Variants in SDE2 observed in about 807,000 individuals in gnomAD.
SDE2 encodes spliceosome associated SDE2, also known as splicing regulator SDE2.
SDE2 carries 31 observed loss-of-function variants against 46.9 expected under a neutral mutation model. That is an observed-to-expected ratio of 0.66 (90% CI 0.50 to 0.89). SDE2 has a LOEUF of 0.89. SDE2 is among the 40% of genes least tolerant of loss of function. SDE2 has a pLI of 0.00. For missense variants in SDE2, 542 were observed against 564.4 expected, an observed-to-expected ratio of 0.96 and a Z score of 0.40; for synonymous variants, 205 against 204.3, an observed-to-expected ratio of 1.00 and a Z score of -0.03.
At chr1:225,988,533 A>G (rs1656322815) in intron 5 of SDE2, 145 bp from the exon 6 acceptor site, 1 of 738,772 alleles carries the variant, frequency 1.4e-6, no homozygotes, top group South Asian at 1.8e-5. Flanking sequence ...GTTTGAGATC[A>G]GCCTGGCCAA....
intron 5 of SDE2, among the ~76,000 whole-genome samples, 183 bp downstream of exon 5, chr1:225,991,060 C>G (rs1656386302): frequency 6.6e-6 from 1 of 152,164 alleles, no homozygotes; most frequent in Admixed American, 6.5e-5. Flanking sequence ...TAATGGCATT[C>G]ACAGCAGAAA....
At chr1:225,990,651 T>C (rs563307729) in intron 5 of SDE2, among the ~76,000 whole-genome samples, 10 of 152,262 alleles carry the variant, frequency 6.6e-5, no homozygotes, top group Admixed American at 5.2e-4. Context: ...AGAACAAACA[T>C]TGTATGCTGA....
chr1:225,988,172 C>G lies in SDE2; in HGVS notation c.858G>C (p.Val286=). ...CTAAAATATGCCTCCCAGAGTCAGT[C>G]ACCGGGATCTGCAGTTGTTCTGGTG... The part of the protein sequence containing the change: ...HGSPEQLQIP[V]TDSGRHILED... Residue 286 remains valine, a synonymous_variant, in exon 6 of 7, where the codon GTG becomes GTC. Transcript: ENST00000272091. The G allele has an allele frequency of 2.5e-6, 4 of 1,614,196 alleles. No individual in the cohort carries two copies. The highest frequency in any genetic ancestry group is 3.4e-6 in the Non-Finnish European group (4 of 1,180,032).
At chr1:225,998,299 A>G (rs1205784688) in intron 1 of SDE2, among the ~76,000 whole-genome samples, 1 of 152,188 alleles carries the variant, frequency 6.6e-6, no homozygotes, top group Admixed American at 6.5e-5. Flanking sequence ...TTATTTGCAA[A>G]CACACATTGC....
rs1330291972 is a variant in SDE2 at position 225,983,702 on chromosome 1, C to T, written c.*1600G>A. Reference sequence around the variant, plus strand: ...TACAGGCATGAGCCACCACACCTGGCCTAAAATACGCATTCTTTTAAACTG... The same window carrying T: ...TACAGGCATGAGCCACCACACCTGGTCTAAAATACGCATTCTTTTAAACTG... On this transcript the variant is annotated 3_prime_UTR_variant, in exon 7 of 7. Transcript: ENST00000272091. 6.6e-6 allele frequency: 1 copy of T among 152,054 alleles called. No homozygotes were observed. The allele number at this position is 152,054 out of a possible 1,614,324, so 9.4% of individuals were successfully genotyped here.
chr1:225,985,368 T>C lies in SDE2; in HGVS notation c.1290A>G (p.Arg430=). 1 of 1,614,240 alleles carries C rather than the reference T, an allele frequency of 6.2e-7. No individual in the cohort carries two copies. ...GGTCAATTTGCTCCTTTGCCAGTCC[T>C]CTGACAGAGAAGAGTCTTGCTGCCC... The part of the protein sequence containing the change: ...QERAARLFSV[R]GLAKEQIDPA... Residue 430 remains arginine, a synonymous_variant, in exon 7 of 7, where the codon AGA becomes AGG. Coordinates refer to ENST00000272091, the MANE Select transcript of SDE2 (RefSeq NM_152608.4).
In SDE2 at chr1:225,985,602, C is replaced by T. The variant is rs1656252619; in HGVS notation, c.1135-79G>A. ...GACTCTTTAACTGTCAACTACATTT[C>T]TTGAGAAATTTTCATTTAATTTGCC... On this transcript the variant is annotated intron_variant, in intron 6 of 6. Transcript: ENST00000272091. 6 of 898,738 alleles carry T rather than the reference C, an allele frequency of 6.7e-6. No individual in the cohort carries two copies. In the East Asian group the frequency reaches 1.3e-4, roughly 19 times the overall value. 55.7% of individuals were successfully genotyped at this position (898,738 alleles called of 1,614,324 possible). A position where few individuals can be genotyped will look rare whatever the true frequency, so the allele number is the denominator to read the frequency against.
Position 225,985,453 on chromosome 1 carries a change from T to G in SDE2, c.1205A>C (p.Glu402Ala), listed in dbSNP as rs1288746182. 6.2e-7 allele frequency: 1 copy of G among 1,614,014 alleles called. No homozygotes were observed. The highest frequency in any genetic ancestry group is 8.5e-7 in the Non-Finnish European group (1 of 1,179,990). The part of the protein sequence containing the change: ...SVAELELLGL[E>A]KLKCELMALG... ...GGCCATCAGTTCACATTTGAGCTTC[T>G]CCAAACCCAGCAACTCCAGTTCTGC... is the stretch of plus-strand genomic sequence containing the variant. Residue 402 changes from glutamate (E) to alanine (A), a missense_variant, in exon 7 of 7, where the codon GAG becomes GCG. Physicochemically the swap from Glu to Ala is moderately radical, Grantham distance 107. This residue lies in a region of SDE2 where 401 missense variants were observed against 437.8 expected (regional missense o/e 0.92). Transcript: ENST00000272091.
Position 225,992,459 on chromosome 1 carries a change from G to T in SDE2, c.459C>A (p.Ser153Arg). 4 of 1,613,518 alleles carry T rather than the reference G, an allele frequency of 2.5e-6. No individual in the cohort carries two copies. Among genetic ancestry groups the T allele is most frequent in the South Asian group, 1.1e-5 (1 of 91,078 alleles). Residue 153 changes from serine (S) to arginine (R), a missense_variant, in exon 4 of 7, where the codon AGC becomes AGA. Coordinates refer to ENST00000272091, the MANE Select transcript of SDE2 (RefSeq NM_152608.4). ...KLVEPKHCFT[S>R]PDYQQQCHEM... ...CATGGCACTGCTGCTGGTAGTCGGG[G>T]CTGGTGAAGCAGTGCTTGGGTTCTA... is the stretch of plus-strand genomic sequence containing the variant.
chr1:225,988,157 C>A lies in SDE2; in HGVS notation c.873G>T (p.Arg291Ser). The part of the protein sequence containing the change: ...QLQIPVTDSG[R>S]HILEDSCAEL... ...CAGCACATGAGTCTTCTAAAATATGCCTCCCAGAGTCAGTCACCGGGATCT... is the reference window on the plus strand; with the variant it reads ...CAGCACATGAGTCTTCTAAAATATGACTCCCAGAGTCAGTCACCGGGATCT... The change falls in exon 6 of 7, where the codon AGG becomes AGT. Residue 291 changes from arginine (R) to serine (S), a missense_variant. Coordinates refer to ENST00000272091, the MANE Select transcript of SDE2 (RefSeq NM_152608.4). 6.2e-7 allele frequency: 1 copy of A among 1,614,168 alleles called. No homozygotes were observed. Among genetic ancestry groups the A allele is most frequent in the Non-Finnish European group, 8.5e-7 (1 of 1,180,044 alleles).
At chr1:225,989,307 A>AT (rs1428221062) in intron 5 of SDE2, among the ~76,000 whole-genome samples, 1,655 of 134,324 alleles carry the variant, frequency 0.012, 30 homozygotes, top group African/African-American at 0.043. Context: ...AAAAAAAAAA[A>AT]AATAATAATA....
chr1:225,991,153 C>G lies in SDE2; in HGVS notation c.641+90G>C, dbSNP rs1419791958. ...TTTTCTGAGCTCCCACCAAACACTA[C>G]ACAAAAATGTGTTTATGCCAGATAA... is the stretch of plus-strand genomic sequence containing the variant. On this transcript the variant is annotated intron_variant, in intron 5 of 6. Coordinates refer to ENST00000272091, the MANE Select transcript of SDE2 (RefSeq NM_152608.4). 4 of 1,363,948 alleles carry G rather than the reference C, an allele frequency of 2.9e-6. No homozygotes were observed. The Admixed American group carries it at 7.6e-5, about 26-fold the overall frequency. 84.5% of individuals were successfully genotyped at this position (1,363,948 alleles called of 1,614,324 possible).
chr1:225,993,168 G>A (rs1051401984), intron 2 of SDE2, among the ~76,000 whole-genome samples, 166 bp from the exon 3 acceptor site: 7 of 149,650 alleles, frequency 4.7e-5, no homozygotes, highest in East Asian at 1.9e-4. Flanking sequence ...TTCAGGCAGC[G>A]AAAGTAAAAA....
At chr1:225,987,770 T>C (rs1215219815) in intron 6 of SDE2, 126 bp downstream of exon 6, 5 of 916,816 alleles carry the variant, frequency 5.5e-6, no homozygotes, top group Non-Finnish European at 8.4e-6. Context: ...CCATAATCTG[T>C]ACTTCTTAAA....
Position 225,992,545 on chromosome 1 carries a change from G to C in SDE2, c.373C>G (p.Gln125Glu). The change falls in exon 4 of 7, where the codon CAA (glutamine) becomes GAA (glutamate). Residue 125 changes from glutamine to glutamate, a missense_variant. By Grantham distance (29) the Gln-to-Glu change is conservative. Coordinates refer to ENST00000272091, the MANE Select transcript of SDE2 (RefSeq NM_152608.4). ...EKAMAEWVKQQAEREAEKEQK... is the reference protein window; with the variant it reads ...EKAMAEWVKQEAEREAEKEQK... ...TCCTTTTCAGCCTCTCGCTCGGCTT[G>C]TTGTTTTACCCATTCAGCCATTCTG... is the stretch of plus-strand genomic sequence containing the variant. The C allele has an allele frequency of 6.2e-7, 1 of 1,609,040 alleles. No individual in the cohort carries two copies. Among genetic ancestry groups the C allele is most frequent in the Non-Finnish European group, 8.5e-7 (1 of 1,179,270 alleles).
Position 225,988,044 on chromosome 1 carries a change from G to C in SDE2, c.986C>G (p.Pro329Arg). 1.2e-6 allele frequency: 2 copies of C among 1,614,016 alleles called. No individual in the cohort carries two copies. The highest frequency in any genetic ancestry group is 1.3e-5 in the African/African-American group (1 of 74,980). ...AGCCCCAGTGGGCTCCTCTTCTATG[G>C]GTTCTTTACTCTCTGCCTTCTTCTC... ...TQEKKAESKE[P>R]IEEEPTGAGL... Residue 329 changes from proline to arginine, a missense_variant, in exon 6 of 7, where the codon CCC becomes CGC. Pro to Arg is a moderately radical substitution (Grantham distance 103, BLOSUM62 -2). Around this residue, in one of 3 missense-constraint regions of SDE2, gnomAD observed 401 missense variants for 437.8 expected, o/e 0.92. Transcript: ENST00000272091.
intron 2 of SDE2, among the ~76,000 whole-genome samples, chr1:225,993,203 A>G (rs1656444885): frequency 6.6e-6 from 1 of 151,110 alleles, no homozygotes; most frequent in African/African-American, 2.4e-5. Flanking sequence ...CATGCCTTTC[A>G]CCTTTCATTT....
At chr1:225,985,966 CA>C (rs1360551312) in intron 6 of SDE2, among the ~76,000 whole-genome samples, 1 of 152,150 alleles carries the variant, frequency 6.6e-6, no homozygotes, top group Non-Finnish European at 1.5e-5. Flanking sequence ...AACTAATTGT[CA>C]GACCTCTCCC....
rs1356389954 is a variant in SDE2 at position 225,992,421 on chromosome 1, C to T, written c.497G>A (p.Arg166His). The T allele has an allele frequency of 1.4e-5, 22 of 1,613,438 alleles. No individual in the cohort carries two copies. The highest frequency in any genetic ancestry group is 1.6e-4 in the Middle Eastern group (1 of 6,076). ...YQQQCHEMAE[R>H]LEDSVLKGMQ... Reference sequence around the variant, plus strand: ...ACCTTTGAGGACGGAATCCTCCAGACGCTCAGCCATCTCATGGCACTGCTG... The same window carrying T: ...ACCTTTGAGGACGGAATCCTCCAGATGCTCAGCCATCTCATGGCACTGCTG... The change falls in exon 4 of 7, where the codon CGT becomes CAT. Residue 166 changes from arginine to histidine, a missense_variant. Around this residue, in one of 3 missense-constraint regions of SDE2, gnomAD observed 401 missense variants for 437.8 expected, o/e 0.92. Transcript: ENST00000272091.
Sources: gnomAD v4.1 joint callset for allele counts (sites outside exome capture counted in the v4.1 genomes callset) on GRCh38, gnomAD v4.1.1 for gene constraint, gnomAD v4.1.1 regional missense constraint, MANE v1.5 for transcripts, NCBI Gene and HGNC (gene_info 2026-07-23, HGNC 2026-07-21) for gene names.